Variants in CHL1 observed in about 807,000 individuals in gnomAD.
The protein encoded by CHL1 is cell adhesion molecule L1 like, also known as neural cell adhesion molecule L1-like protein.
In CHL1, 96 loss-of-function variants were observed where a neutral mutation model predicts 141.9. That is an observed-to-expected ratio of 0.68 (90% CI 0.57 to 0.80). CHL1 has a LOEUF of 0.80. CHL1 is among the 30% of genes least tolerant of loss of function. CHL1 has a pLI of 0.00. For synonymous variants in CHL1, 613 were observed against 502.2 expected, an observed-to-expected ratio of 1.22 and a Z score of -2.95; for missense variants, 1,820 against 1,457.2, an observed-to-expected ratio of 1.25 and a Z score of -4.05.
chr3:239,096 C>T (rs1428632232), intron 1 of CHL1, among the ~76,000 whole-genome samples: 1 of 151,986 alleles, frequency 6.6e-6, no homozygotes, highest in African/African-American at 2.4e-5. Flanking sequence ...TGAGTGGGGA[C>T]TGTCAAGTAG....
At chr3:382,451 T>G in intron 17 of CHL1, 23 bp from the exon 18 acceptor site, 6 of 1,596,092 alleles carry the variant, frequency 3.8e-6, no homozygotes, top group Non-Finnish European at 5.2e-6. Flanking sequence ...ATTCTAATAT[T>G]TTTTCCCTGT....
At chr3:401,588 C>A in intron 26 of CHL1, 38 bp from the exon 27 acceptor site, 2 of 1,162,492 alleles carry the variant, frequency 1.7e-6, no homozygotes, top group South Asian at 1.3e-5. Context: ...TTTAAATGGT[C>A]ACTGTATTAC....
intron 2 of CHL1, among the ~76,000 whole-genome samples, chr3:259,100 T>C (rs1483604831): frequency 2.0e-5 from 3 of 151,906 alleles, no homozygotes; most frequent in African/African-American, 7.3e-5. Flanking sequence ...TGCATGTCTT[T>C]TTTTTAGAGA....
chr3:274,149 A>AT (rs1222081393), intron 2 of CHL1, among the ~76,000 whole-genome samples: 2 of 152,072 alleles, frequency 1.3e-5, no homozygotes, highest in African/African-American at 4.8e-5. Context: ...TGTTCACTAC[A>AT]TTTTTTTCCC....
chr3:356,658 G>C (rs1703743322), intron 11 of CHL1, among the ~76,000 whole-genome samples: 1 of 152,124 alleles, frequency 6.6e-6, no homozygotes, highest in African/African-American at 2.4e-5. Context: ...AGTGGAGATG[G>C]GAAGGAAGTG....
At chr3:242,453 C>A (rs6809286) in intron 1 of CHL1, among the ~76,000 whole-genome samples, 125,619 of 139,634 alleles carry the variant, frequency 0.9, 57,343 homozygotes, top group East Asian at 0.99. Flanking sequence ...AAAATTATCC[C>A]GGCGTGGTGG....
intron 7 of CHL1, among the ~76,000 whole-genome samples, chr3:342,627 A>G (rs914562144): frequency 1.3e-5 from 2 of 152,180 alleles, no homozygotes; most frequent in Admixed American, 1.3e-4. Flanking sequence ...CTGAGCGAAT[A>G]ATTGGCCCTG....
At chr3:372,197 G>C (rs1053978079) in intron 15 of CHL1, among the ~76,000 whole-genome samples, 2 of 152,194 alleles carry the variant, frequency 1.3e-5, no homozygotes, top group African/African-American at 4.8e-5. Flanking sequence ...ATCCGGAAGT[G>C]TGTTTTTCAG....
chr3:361,857 T>A (rs757628443), intron 13 of CHL1, 47 bp downstream of exon 13: 1 of 1,238,782 alleles, frequency 8.1e-7, no homozygotes, highest in Non-Finnish European at 1.2e-6. Context: ...CAATTGTAGA[T>A]TTGACCTTGT....
Position 235,459 on chromosome 3 carries a change from C to G in CHL1, c.-174-9154C>G, listed in dbSNP as rs183310574. ...TAAAGCACTTAAGAGAGTGCCTGGC[C>G]TGTAGTTAGCCCTGTATAAATGTAT... On this transcript the variant is annotated intron_variant, in intron 1 of 27. Transcript: ENST00000256509. 1.0e-3 allele frequency among the ~76,000 whole-genome samples: 154 copies of G among 152,166 alleles called. 1 individual carries two copies. The highest frequency in any genetic ancestry group is 3.3e-3 in the African/African-American group (135 of 41,510).
intron 2 of CHL1, among the ~76,000 whole-genome samples, chr3:298,860 A>T (rs1698450569): frequency 6.6e-6 from 1 of 152,216 alleles, no homozygotes; most frequent in Non-Finnish European, 1.5e-5. Flanking sequence ...TGATGAACAC[A>T]AAATCAACAC....
intron 2 of CHL1, among the ~76,000 whole-genome samples, chr3:286,938 T>C (rs929706702): frequency 1.3e-5 from 2 of 152,174 alleles, no homozygotes; most frequent in Admixed American, 6.5e-5. Flanking sequence ...GTCACTTTCA[T>C]TACCATTTTG....
chr3:339,008 G>C (rs1007906850), intron 5 of CHL1, among the ~76,000 whole-genome samples: 3 of 151,918 alleles, frequency 2.0e-5, no homozygotes, highest in African/African-American at 7.3e-5. Context: ...TTCATATTAG[G>C]GACTGTATAG....
chr3:246,848 T>C (rs184752078), intron 2 of CHL1: 64 of 152,220 alleles, frequency 4.2e-4, no homozygotes, highest in South Asian at 1.2e-3. Flanking sequence ...CCAAAAGCGA[T>C]GTTATCCATG....
In CHL1 at chr3:342,981, C is replaced by A. The variant is rs753093259; in HGVS notation, c.680-3C>A. 7.5e-6 allele frequency: 12 copies of A among 1,603,536 alleles called. No homozygotes were observed. Among genetic ancestry groups the A allele is most frequent in the Non-Finnish European group, 9.4e-6 (11 of 1,176,234 alleles). Reference sequence around the variant, plus strand: ...GTTTTTTCCTTCCGTTTTTTTATTTCAGTAAAGCATGCTAATGACTCAAGT... The same window carrying A: ...GTTTTTTCCTTCCGTTTTTTTATTTAAGTAAAGCATGCTAATGACTCAAGT... On this transcript the variant is annotated splice_region_variant and splice_polypyrimidine_tract_variant and intron_variant, in intron 7 of 27. Transcript: ENST00000256509.
chr3:391,175 T>C lies in CHL1; in HGVS notation c.2791+16T>C. On this transcript the variant is annotated intron_variant, in intron 22 of 27. Transcript: ENST00000256509. ...CCAGAAGGAGGTGAGAGGATAATGA[T>C]GTAGAGTCATGTCAAAAATGGAGGT... 6.4e-7 allele frequency: 1 copy of C among 1,570,228 alleles called. No homozygotes were observed. The highest frequency in any genetic ancestry group is 8.8e-7 in the Non-Finnish European group (1 of 1,141,028).
At chr3:402,282 A>G (rs1201455472) in intron 27 of CHL1, among the ~76,000 whole-genome samples, 1 of 152,250 alleles carries the variant, frequency 6.6e-6, no homozygotes, top group Non-Finnish European at 1.5e-5. Context: ...GTTACTGTTA[A>G]CCACTGGACA....
In CHL1 at chr3:407,563, C is replaced by A. The variant is rs9820546; in HGVS notation, c.*1852C>A. ...TCAGTGCAACTCGAGCTCCATCCTC[C>A]TCCGATTTCTAAGGTTCCAGTTTTC... is the stretch of plus-strand genomic sequence containing the variant. On this transcript the variant is annotated 3_prime_UTR_variant, in exon 28 of 28. Coordinates refer to ENST00000256509, the MANE Select transcript of CHL1 (RefSeq NM_006614.4). The A allele has an allele frequency of 0.1, 15,641 of 152,078 alleles. 2,097 individuals are homozygous for A. Among genetic ancestry groups the A allele is most frequent in the African/African-American group, 0.31 (12,805 of 41,416 alleles). The allele number at this position is 152,078 out of a possible 1,614,324, so 9.4% of individuals were successfully genotyped here. A position where few individuals can be genotyped will look rare whatever the true frequency, so the allele number is the denominator to read the frequency against.
intron 5 of CHL1, among the ~76,000 whole-genome samples, chr3:340,286 C>T (rs1196841783): frequency 6.6e-6 from 1 of 152,110 alleles, no homozygotes; most frequent in Non-Finnish European, 1.5e-5. Context: ...ATTTGGCTTT[C>T]CATTGCATTC....
Sources: allele counts gnomAD v4.1 joint callset (sites outside exome capture counted in the v4.1 genomes callset), GRCh38; gene constraint gnomAD v4.1.1; transcripts MANE v1.5; gene names NCBI Gene and HGNC (gene_info 2026-07-23, HGNC 2026-07-21).